Variants in PRSS22 observed in about 807,000 individuals in gnomAD.
PRSS22 encodes brain-specific serine protease 4.
In PRSS22, 26 loss-of-function variants were observed where a neutral mutation model predicts 28.0. The observed-to-expected ratio is 0.93, with a 90% CI of 0.68 to 1.29. The LOEUF is 1.29. PRSS22 is among the 50% of genes most tolerant of loss of function. The pLI is 0.00. For missense variants in PRSS22, 444 were observed against 422.1 expected (o/e 1.05, Z -0.46); for synonymous variants, 217 against 177.9 (o/e 1.22, Z -1.75).
At chr16:2,856,006 G>A (rs1383822210) in intron 3 of PRSS22, 76 bp downstream of exon 3, 2 of 1,560,168 alleles carry the variant, frequency 1.3e-6, no homozygotes, top group Admixed American at 1.9e-5. Flanking sequence ...AGCAGAGCCT[G>A]TAAAGGGAGC....
intron 2 of PRSS22, among the ~76,000 whole-genome samples, chr16:2,856,578 C>G (rs553026199): frequency 1.4e-4 from 22 of 152,200 alleles, no homozygotes; most frequent in African/African-American, 5.1e-4. Flanking sequence ...CTCCCTCCCC[C>G]TCTTTCCTTA....
At position 2,853,885 on chromosome 16, in the gene PRSS22, C is replaced by A; in HGVS notation, c.697G>T (p.Gly233Trp). The A allele has an allele frequency of 6.2e-7, 1 of 1,614,104 alleles. No individual in the cohort carries two copies. Among genetic ancestry groups the A allele is most frequent in the Non-Finnish European group, 8.5e-7 (1 of 1,180,014 alleles). ...CTCACCAGACAAGCATCCCGCTCCC[C>A]CTCCAAGTAGCCGGCACACAGCATG... ...EDMLCAGYLEGERDACLGDSG... is the reference protein window; with the variant it reads ...EDMLCAGYLEWERDACLGDSG... Residue 233 changes from glycine (G) to tryptophan (W), a missense_variant, in exon 5 of 6, where the codon GGG becomes TGG. By Grantham distance (184) the Gly-to-Trp change is radical. Coordinates refer to ENST00000161006, the MANE Select transcript of PRSS22 (RefSeq NM_022119.4). The surrounding 1 kb of genome is among the most constrained non-coding windows in gnomAD (Gnocchi z 4.6).
At position 2,853,578 on chromosome 16, in the gene PRSS22, G is replaced by C. The variant is rs1276337378; in HGVS notation, c.718-249C>G. ...TCTGACCGTCTTCCAGACAGCCCCT[G>C]AGCTACAGCTGGCTCTGGGCACTGA... On this transcript the variant is annotated intron_variant, in intron 5 of 5. Transcript: ENST00000161006. This position sits in a 1 kb window ranked among gnomAD's most constrained non-coding sequence, Gnocchi z 4.6. Among the ~76,000 whole-genome samples, 1 of 152,230 alleles carries C rather than the reference G, an allele frequency of 6.6e-6. No individual in the cohort carries two copies. The highest frequency in any genetic ancestry group is 2.4e-5 in the African/African-American group (1 of 41,460).
Position 2,856,152 on chromosome 16 carries a change from CATTCTTCTGG to C in PRSS22, c.201_210del (p.Ile67MetfsTer16). 6.2e-7 allele frequency: 1 copy of C among 1,613,980 alleles called. No individual in the cohort carries two copies. Among genetic ancestry groups the C allele is most frequent in the Non-Finnish European group, 8.5e-7 (1 of 1,179,980 alleles). ...AGAGAACCTGCGCAGTGGTGGGTCC[CATTCTTCTGG>C]ATGCTCACGATCCAGGGCCACTCGC... On this transcript the variant is annotated frameshift_variant, in exon 3 of 6. Transcript: ENST00000161006. LOFTEE classifies it high-confidence loss of function.
In PRSS22 at chr16:2,857,506, C is replaced by T. The variant is rs533022059; in HGVS notation, c.82+517G>A. On this transcript the variant is annotated intron_variant, in intron 1 of 5. Transcript: ENST00000161006. ...ACTCTCAAGTCTCTCAACCCCAGGG[C>T]CCCTACCGGCGGGGCATTTCCTGGG... 1.9e-4 allele frequency: 35 copies of T among 180,626 alleles called. No homozygotes were observed. In the South Asian group the frequency reaches 3.3e-3, roughly 17 times the overall value. The allele number at this position is 180,626 out of a possible 1,614,324, so 11.2% of individuals were successfully genotyped here.
In PRSS22 at chr16:2,855,836, T is replaced by C. The variant is rs1053884494; in HGVS notation, c.297A>G (p.Pro99=). 6 of 1,612,064 alleles carry C rather than the reference T, an allele frequency of 3.7e-6. No individual in the cohort carries two copies. In the African/African-American group the frequency reaches 4.0e-5, roughly 11 times the overall value. The part of the protein sequence containing the change: ...AHCFKDNLNK[P]YLFSVLLGAW... ...CCCCCAGCAGCACAGAGAACAGGTATGGTTTGTTCAGGTTGCTGGAAGGAA... is the reference window on the plus strand; with the variant it reads ...CCCCCAGCAGCACAGAGAACAGGTACGGTTTGTTCAGGTTGCTGGAAGGAA... Residue 99 remains proline, a synonymous_variant, in exon 4 of 6, where the codon CCA becomes CCG. Coordinates refer to ENST00000161006, the MANE Select transcript of PRSS22 (RefSeq NM_022119.4).
chr16:2,856,000 G>C, intron 3 of PRSS22, 82 bp downstream of exon 3: 1 of 1,548,324 alleles, frequency 6.5e-7, no homozygotes, highest in South Asian at 1.2e-5. Context: ...CCCGGAAGCA[G>C]AGCCTGTAAA....
Position 2,855,935 on chromosome 16 carries a change from T to C in PRSS22, c.282-84A>G, listed in dbSNP as rs558412851. ...GGAACAGCATGGGTGTGAAGGCCCC[T>C]GAAGGCAGGAGAGGCTTCTAGGTAG... On this transcript the variant is annotated intron_variant, in intron 3 of 5. Transcript: ENST00000161006. The C allele has an allele frequency of 3.9e-5, 59 of 1,527,736 alleles. No individual in the cohort carries two copies. The South Asian group carries it at 7.2e-4, about 19-fold the overall frequency. 94.6% of individuals were successfully genotyped at this position (1,527,736 alleles called of 1,614,324 possible).
In PRSS22 at chr16:2,853,258, G is replaced by T. The variant is rs1567289322; in HGVS notation, c.789C>A (p.Gly263=). The T allele has an allele frequency of 6.2e-7, 1 of 1,600,752 alleles. No individual in the cohort carries two copies. The highest frequency in any genetic ancestry group is 1.6e-4 in the Middle Eastern group (1 of 6,062). ...GCCTGTTGCGCTCGGCACAGCCCTCGCCCCAGCTGATGATGCCGGCCAGCA... is the reference window on the plus strand; with the variant it reads ...GCCTGTTGCGCTCGGCACAGCCCTCTCCCCAGCTGATGATGCCGGCCAGCA... ...AWLLAGIISW[G]EGCAERNRPG... The change falls in exon 6 of 6, where the codon GGC becomes GGA. Residue 263 remains glycine, a synonymous_variant. Coordinates refer to ENST00000161006, the MANE Select transcript of PRSS22 (RefSeq NM_022119.4). This position sits in a 1 kb window ranked among gnomAD's most constrained non-coding sequence, Gnocchi z 4.6.
intron 1 of PRSS22, chr16:2,857,730 C>A (rs1201176658): frequency 3.3e-6 from 1 of 301,604 alleles, no homozygotes; most frequent in Non-Finnish European, 6.1e-6. Context: ...TCCCCAGAGG[C>A]AAGCAGCGGA....
Position 2,853,848 on chromosome 16 carries a change from G to A in PRSS22, c.717+17C>T, listed in dbSNP as rs1365763251. Reference sequence around the variant, plus strand: ...GAGGCCCTCCTGGCCAGGGGTGGGGGGCTCGAGGGAGCTCACCAGACAAGC... The same window carrying A: ...GAGGCCCTCCTGGCCAGGGGTGGGGAGCTCGAGGGAGCTCACCAGACAAGC... On this transcript the variant is annotated intron_variant, in intron 5 of 5. Coordinates refer to ENST00000161006, the MANE Select transcript of PRSS22 (RefSeq NM_022119.4). This position sits in a 1 kb window ranked among gnomAD's most constrained non-coding sequence, Gnocchi z 4.6. The A allele has an allele frequency of 2.0e-5, 32 of 1,612,828 alleles. No individual in the cohort carries two copies. The highest frequency in any genetic ancestry group is 2.5e-5 in the Non-Finnish European group (29 of 1,179,808).
rs747124300 is a variant in PRSS22 at position 2,856,264 on chromosome 16, C to A, written c.110-11G>T. ...CACAGGCTGGGGGAACTGGAGGGTACGGTCAAGTTTTGTTATCTCCAACTT... is the reference window on the plus strand; with the variant it reads ...CACAGGCTGGGGGAACTGGAGGGTAAGGTCAAGTTTTGTTATCTCCAACTT... On this transcript the variant is annotated splice_polypyrimidine_tract_variant and intron_variant, in intron 2 of 5. Transcript: ENST00000161006. The A allele has an allele frequency of 6.2e-7, 1 of 1,612,798 alleles. No individual in the cohort carries two copies. Among genetic ancestry groups the A allele is most frequent in the Non-Finnish European group, 8.5e-7 (1 of 1,179,682 alleles).
intron 1 of PRSS22, chr16:2,857,284 CTCCCCAGCGCCCAGTGAGGAGGGG>C (rs1596326873): frequency 8.5e-5 from 4 of 46,834 alleles, no homozygotes; most frequent in African/African-American, 2.7e-4. Context: ...GTGAGGAGGG[CTCCCCAGCGCCCAGTGAGGAGGGG>C]TCCCCAGCGC....
Position 2,853,294 on chromosome 16 carries a change from G to T in PRSS22, c.753C>A (p.Asp251Glu). The change falls in exon 6 of 6, where the codon GAC (aspartate) becomes GAA (glutamate). Residue 251 changes from aspartate (D) to glutamate (E), a missense_variant. Coordinates refer to ENST00000161006, the MANE Select transcript of PRSS22 (RefSeq NM_022119.4). The surrounding 1 kb of genome is among the most constrained non-coding windows in gnomAD (Gnocchi z 4.6). ...TGATGCCGGCCAGCAGCCAGGCGCC[G>T]TCCACCTGGCACATGAGGGGGCCCC... is the stretch of plus-strand genomic sequence containing the variant. ...DSGGPLMCQV[D>E]GAWLLAGIIS... 6.3e-7 allele frequency: 1 copy of T among 1,598,892 alleles called. No individual in the cohort carries two copies.
intron 4 of PRSS22, among the ~76,000 whole-genome samples, chr16:2,855,347 C>CA (rs33950878): frequency 0.059 from 4,039 of 68,982 alleles, 180 homozygotes; most frequent in South Asian, 0.18. Flanking sequence ...CACCCTGTCT[C>CA]AAAAAAAAAA....
chr16:2,855,980 T>C (rs1486333647), intron 3 of PRSS22, 102 bp downstream of exon 3: 8 of 1,520,534 alleles, frequency 5.3e-6, no homozygotes, highest in Non-Finnish European at 7.1e-6. Flanking sequence ...GCACCAAGAT[T>C]GAACAGAGGC....
chr16:2,855,346 T>TAAAAAAA (rs1567290371), intron 4 of PRSS22, among the ~76,000 whole-genome samples: 201 of 16,124 alleles, frequency 0.012, 2 homozygotes, highest in African/African-American at 0.048. Flanking sequence ...ACACCCTGTC[T>TAAAAAAA]CAAAAAAAAA....
chr16:2,856,810 A>G lies in PRSS22; in HGVS notation c.109+12T>C, dbSNP rs753571800. ...CCTTCTCCCTCCCGTCAGAGCTGCC[A>G]GCTCCACTCACCAGGTATCCTGGCC... is the stretch of plus-strand genomic sequence containing the variant. On this transcript the variant is annotated intron_variant, in intron 2 of 5. Transcript: ENST00000161006. The G allele has an allele frequency of 6.4e-7, 1 of 1,551,946 alleles. No individual in the cohort carries two copies. Among genetic ancestry groups the G allele is most frequent in the South Asian group, 1.2e-5 (1 of 84,064 alleles).
In PRSS22 at chr16:2,855,682, T is replaced by C; in HGVS notation, c.451A>G (p.Ile151Val). Residue 151 changes from isoleucine to valine, a missense_variant, in exon 4 of 6, where the codon ATA becomes GTA. By Grantham distance (29) the Ile-to-Val change is conservative. Transcript: ENST00000161006. The stretch of plus-strand genomic sequence containing the variant: ...GGCAGGACCCGCTCTGAGAACTGTA[T>C]GGAGCGCTCGAGACGCACCAGGGCA... ...DIALVRLERSIQFSERVLPIC... is the reference protein window; with the variant it reads ...DIALVRLERSVQFSERVLPIC... 1.2e-6 allele frequency: 2 copies of C among 1,614,214 alleles called. No individual in the cohort carries two copies. Among genetic ancestry groups the C allele is most frequent in the Non-Finnish European group, 1.7e-6 (2 of 1,180,040 alleles).
Sources: allele counts gnomAD v4.1 joint callset (sites outside exome capture counted in the v4.1 genomes callset), GRCh38; gene constraint gnomAD v4.1.1; non-coding constraint Gnocchi (gnomAD v3.1); transcripts MANE v1.5; gene names NCBI Gene and HGNC (gene_info 2026-07-23, HGNC 2026-07-21).